Variants in CRHR1 observed in about 807,000 individuals in gnomAD.
CRHR1 encodes corticotropin-releasing hormone receptor 1.
In CRHR1, 28 loss-of-function variants were observed where a neutral mutation model predicts 56.0. That is an observed-to-expected ratio of 0.50 (90% CI 0.37 to 0.69). The LOEUF is 0.69. Ranked by LOEUF, CRHR1 falls within the 30% of genes least tolerant of loss-of-function variation. CRHR1 has a pLI of 0.00. For missense variants in CRHR1, 376 were observed against 548.0 expected, an observed-to-expected ratio of 0.69 and a Z score of 3.13; for synonymous variants, 195 against 216.5, an observed-to-expected ratio of 0.90 and a Z score of 0.87.
chr17:45,829,195 G>A lies in CRHR1; in HGVS notation c.328-20G>A, dbSNP rs775144490. ...CCCATCCAGCAGAAGGCTCACCTCT[G>A]CCCCTCTCTCCTGCTCCAGAAAAAA... is the stretch of plus-strand genomic sequence containing the variant. On this transcript the variant is annotated intron_variant, in intron 4 of 12. Coordinates refer to ENST00000314537, the MANE Select transcript of CRHR1 (RefSeq NM_004382.5). 2.5e-6 allele frequency: 4 copies of A among 1,596,592 alleles called. No individual in the cohort carries two copies. The highest frequency in any genetic ancestry group is 2.6e-6 in the Non-Finnish European group (3 of 1,165,406).
intron 1 of CRHR1, among the ~76,000 whole-genome samples, chr17:45,799,029 C>A (rs2061572039): frequency 6.6e-6 from 1 of 152,186 alleles, no homozygotes; most frequent in South Asian, 2.1e-4. Context: ...GGAGGAGGGC[C>A]AGGCCCGAGG....
chr17:45,825,309 G>A (rs1313860671), intron 4 of CRHR1, among the ~76,000 whole-genome samples: 1 of 152,104 alleles, frequency 6.6e-6, no homozygotes, highest in South Asian at 2.1e-4. Flanking sequence ...GCTGGCCGGG[G>A]GATGGCACTG....
chr17:45,789,362 G>A (rs1360623522), intron 1 of CRHR1, among the ~76,000 whole-genome samples: 3 of 151,882 alleles, frequency 2.0e-5, no homozygotes, highest in Non-Finnish European at 2.9e-5. Flanking sequence ...TGTCAGCAGA[G>A]TCCCTAGGAA....
intron 5 of CRHR1, 144 bp from the exon 6 acceptor site, chr17:45,829,944 GCTGTCA>G: frequency 7.9e-7 from 1 of 1,269,310 alleles, no homozygotes; most frequent in Middle Eastern, 2.0e-4. Context: ...GGAGAGCCTG[GCTGTCA>G]CCTCCCTGTG....
At chr17:45,804,425 G>A (rs947009677) in intron 1 of CRHR1, among the ~76,000 whole-genome samples, 1 of 152,154 alleles carries the variant, frequency 6.6e-6, no homozygotes, top group Non-Finnish European at 1.5e-5. Context: ...AGGCTCTGAC[G>A]AGGAGTGGGC....
At chr17:45,787,517 A>G (rs1054729365) in intron 1 of CRHR1, among the ~76,000 whole-genome samples, 5 of 152,240 alleles carry the variant, frequency 3.3e-5, no homozygotes, top group Non-Finnish European at 7.3e-5. Flanking sequence ...AGAATGGAAA[A>G]TGATTGCAAC....
intron 8 of CRHR1, among the ~76,000 whole-genome samples, chr17:45,832,273 G>T (rs1031690162): frequency 1.3e-5 from 2 of 152,128 alleles, no homozygotes; most frequent in African/African-American, 4.8e-5. Flanking sequence ...TGGGCTAAAG[G>T]AGAAAGTGAG....
At chr17:45,791,450 G>A (rs989901231) in intron 1 of CRHR1, among the ~76,000 whole-genome samples, 18 of 152,152 alleles carry the variant, frequency 1.2e-4, no homozygotes, top group African/African-American at 4.3e-4. Context: ...CAGACAGACA[G>A]TGAGAGAAGC....
At position 45,787,433 on chromosome 17, in the gene CRHR1, G is replaced by A. The variant is rs1165905918; in HGVS notation, c.33+2856G>A. Among the ~76,000 whole-genome samples, 3 of 152,200 alleles carry A rather than the reference G, an allele frequency of 2.0e-5. No homozygotes were observed. In the East Asian group the frequency reaches 5.8e-4, roughly 29 times the overall value. ...TGGATGGATTCTAACAGGAGAGTGAGCTCCCAGGAGGGAGCTGGCTATTGT... is the reference window on the plus strand; with the variant it reads ...TGGATGGATTCTAACAGGAGAGTGAACTCCCAGGAGGGAGCTGGCTATTGT... On this transcript the variant is annotated intron_variant, in intron 1 of 12. Transcript: ENST00000314537.
At chr17:45,833,693 T>TGGGGGGGGGGGGGGGC in intron 10 of CRHR1, 21 bp from the exon 11 acceptor site, 1 of 1,571,610 alleles carries the variant, frequency 6.4e-7, no homozygotes, top group Non-Finnish European at 8.7e-7. Context: ...ACTCCGAGCC[T>TGGGGGGGGGGGGGGGC]CCCCACCCGC....
intron 3 of CRHR1, among the ~76,000 whole-genome samples, chr17:45,817,705 G>T (rs1259530280): frequency 6.6e-6 from 1 of 152,182 alleles, no homozygotes; most frequent in Non-Finnish European, 1.5e-5. Flanking sequence ...GGGAGGCCAG[G>T]GCAGGGCAGG....
chr17:45,818,683 G>C (rs2061977129), intron 3 of CRHR1, among the ~76,000 whole-genome samples: 1 of 152,180 alleles, frequency 6.6e-6, no homozygotes. Context: ...CGCCAGATGA[G>C]GTGGAGCACG....
intron 5 of CRHR1, 58 bp downstream of exon 5, chr17:45,829,379 T>C (rs2062241199): frequency 6.6e-7 from 1 of 1,511,900 alleles, no homozygotes; most frequent in Admixed American, 1.8e-5. Context: ...AGAAGCAGGG[T>C]GGAGAAGTGA....
intron 4 of CRHR1, among the ~76,000 whole-genome samples, chr17:45,824,215 G>A (rs1399136469): frequency 6.6e-6 from 1 of 152,214 alleles, no homozygotes; most frequent in Non-Finnish European, 1.5e-5. Flanking sequence ...CTGGCACACA[G>A]TAGAGGAGGT....
chr17:45,789,372 A>ATTTT (rs66531491), intron 1 of CRHR1, among the ~76,000 whole-genome samples: 1 of 144,314 alleles, frequency 6.9e-6, no homozygotes, highest in African/African-American at 2.5e-5. Context: ...GTCCCTAGGA[A>ATTTT]TTTTTTTTTT....
chr17:45,829,962 G>T, intron 5 of CRHR1, 132 bp from the exon 6 acceptor site: 1 of 1,412,904 alleles, frequency 7.1e-7, no homozygotes, highest in South Asian at 1.3e-5. Flanking sequence ...CTCCCTGTGT[G>T]ACTTGGCCAG....
intron 2 of CRHR1, among the ~76,000 whole-genome samples, chr17:45,810,218 G>A (rs1284688790): frequency 6.6e-6 from 1 of 152,130 alleles, no homozygotes; most frequent in Non-Finnish European, 1.5e-5. Flanking sequence ...CTCAGAGGCC[G>A]AGGTTGCAGT....
At chr17:45,802,676 A>G (rs536175248) in intron 1 of CRHR1, among the ~76,000 whole-genome samples, 16 of 152,210 alleles carry the variant, frequency 1.1e-4, no homozygotes, top group African/African-American at 1.7e-4. Context: ...TTTTCTTTGC[A>G]TAACGCAACA....
At chr17:45,785,914 AT>A (rs1263301146) in intron 1 of CRHR1, among the ~76,000 whole-genome samples, 2 of 152,294 alleles carry the variant, frequency 1.3e-5, no homozygotes, top group African/African-American at 4.8e-5. Context: ...AGGGCTAGGG[AT>A]GAACTCAGAT....
Sources: allele counts gnomAD v4.1 joint callset (sites outside exome capture counted in the v4.1 genomes callset), GRCh38; gene constraint gnomAD v4.1.1; transcripts MANE v1.5; gene names NCBI Gene and HGNC (gene_info 2026-07-23, HGNC 2026-07-21).